PCDHGB6: variants seen among roughly 807,000 people sequenced by gnomAD.
PCDHGB6 encodes the protein protocadherin gamma subfamily B, 6, also known as protocadherin gamma-B6.
Under a neutral mutation model 59.1 loss-of-function variants are expected in PCDHGB6, and 51 were observed. That is an observed-to-expected ratio of 0.86 (90% CI 0.69 to 1.09). The LOEUF is 1.09. PCDHGB6 is among the 50% of genes least tolerant of loss of function. The probability of loss-of-function intolerance (pLI) is 0.00; values close to 1 mark genes in which losing one functional copy is unlikely to be tolerated. For synonymous variants in PCDHGB6, 466 were observed against 495.1 expected (o/e 0.94, Z 0.78); for missense variants, 1,148 against 1,205.1 (o/e 0.95, Z 0.70).
intron 1 of PCDHGB6, chr5:141,423,780 T>C: frequency 8.0e-7 from 1 of 1,243,766 alleles, no homozygotes; most frequent in Non-Finnish European, 1.0e-6. Flanking sequence ...ATATATTTAG[T>C]TCATATATAT....
intron 1 of PCDHGB6, among the ~76,000 whole-genome samples, chr5:141,449,310 A>G (rs1006876700): frequency 4.6e-5 from 7 of 152,112 alleles, no homozygotes; most frequent in Non-Finnish European, 7.4e-5. Context: ...TATGTATTAT[A>G]TAATTGTATC....
chr5:141,409,706 T>A lies in PCDHGB6; in HGVS notation c.1504T>A (p.Ser502Thr). The change falls in exon 1 of 4, where the codon TCG becomes ACG. Residue 502 changes from serine (S) to threonine (T), a missense_variant. Transcript: ENST00000520790. ...VASDLEPLAV[S>T]SYVSVSAQSG... ...GAGTGACCTAGAGCCCCTGGCGGTG[T>A]CGTCATACGTGTCAGTGAGCGCGCA... 1 of 1,613,210 alleles carries A rather than the reference T, an allele frequency of 6.2e-7. No individual in the cohort carries two copies. The highest frequency in any genetic ancestry group is 8.5e-7 in the Non-Finnish European group (1 of 1,179,860).
At position 141,428,093 on chromosome 5, in the gene PCDHGB6, C is replaced by T. The variant is rs577985465; in HGVS notation, c.2418+17473C>T. On this transcript the variant is annotated intron_variant, in intron 1 of 3. Transcript: ENST00000520790. ...ATTCGGGACACAACGCTTGGCTGTC[C>T]TACCACGTGCTGCAGGCCATCGAGC... 2.4e-4 allele frequency: 380 copies of T among 1,608,880 alleles called. 2 individuals are homozygous for T. The South Asian group carries it at 4.0e-3, about 17-fold the overall frequency.
Position 141,505,463 on chromosome 5 carries a change from A to G in PCDHGB6, c.2548A>G (p.Ile850Val). 1 of 1,614,184 alleles carries G rather than the reference A, an allele frequency of 6.2e-7. No homozygotes were observed. Among genetic ancestry groups the G allele is most frequent in the East Asian group, 2.2e-5 (1 of 44,876 alleles). Residue 850 changes from isoleucine to valine, a missense_variant, in exon 3 of 4, where the codon ATC (isoleucine) becomes GTC (valine). Ile to Val is a conservative substitution (Grantham distance 29). Transcript: ENST00000520790. Reference protein sequence around the residue: ...QFDTEMLQAMILASASEAADG... With the variant: ...QFDTEMLQAMVLASASEAADG... ...TGACACAGAGATGCTGCAAGCCATG[A>G]TCTTGGCGTCCGCCAGTGGTAAGTG...
In PCDHGB6 at chr5:141,409,009, G is replaced by A. The variant is rs1189849996; in HGVS notation, c.807G>A (p.Gln269=). 1 of 1,613,994 alleles carries A rather than the reference G, an allele frequency of 6.2e-7. No homozygotes were observed. Residue 269 remains glutamine, a synonymous_variant, in exon 1 of 4, where the codon CAG becomes CAA. Coordinates refer to ENST00000520790, the MANE Select transcript of PCDHGB6 (RefSeq NM_018926.3). ...TGTTGCAAGTGACAGCCACTGACCA[G>A]GATGAGGGGGTCAATGCTGAGATAA... ...SPVLQVTATD[Q]DEGVNAEINY... is the part of the protein sequence containing the mutation.
chr5:141,410,134 C>T lies in PCDHGB6; in HGVS notation c.1932C>T (p.Val644=). Residue 644 remains valine, a synonymous_variant, in exon 1 of 4, where the codon GTC becomes GTT. Coordinates refer to ENST00000520790, the MANE Select transcript of PCDHGB6 (RefSeq NM_018926.3). The part of the protein sequence containing the change: ...DRDAARQRLL[V]AVRDGGQPPL... The stretch of plus-strand genomic sequence containing the variant: ...ACGCAGCCCGCCAGCGCCTGCTGGT[C>T]GCTGTGCGTGACGGTGGACAGCCGC... The T allele has an allele frequency of 6.2e-7, 1 of 1,612,766 alleles. No homozygotes were observed. Among genetic ancestry groups the T allele is most frequent in the East Asian group, 2.2e-5 (1 of 44,868 alleles).
At chr5:141,470,649 C>T (rs1486535307) in intron 1 of PCDHGB6, among the ~76,000 whole-genome samples, 1 of 152,160 alleles carries the variant, frequency 6.6e-6, no homozygotes, top group African/African-American at 2.4e-5. Flanking sequence ...TTGAAGGCCC[C>T]TACCCTTTGG....
rs1225473275 is a variant in PCDHGB6 at position 141,512,442 on chromosome 5, TC to T, written c.*1271del. ...GGCCCCTGCCCTCCTGAAGCCTCAG[TC>T]CTTCACCTTGCCAGGTGCCGTTTCT... is the stretch of plus-strand genomic sequence containing the variant. On this transcript the variant is annotated 3_prime_UTR_variant, in exon 4 of 4. Transcript: ENST00000520790. 1 of 152,892 alleles carries T rather than the reference TC, an allele frequency of 6.5e-6. No individual in the cohort carries two copies. Among genetic ancestry groups the T allele is most frequent in the African/African-American group, 2.4e-5 (1 of 41,466 alleles). 9.5% of individuals were successfully genotyped at this position (152,892 alleles called of 1,614,324 possible).
intron 1 of PCDHGB6, among the ~76,000 whole-genome samples, chr5:141,484,535 A>G (rs2099597486): frequency 6.6e-6 from 1 of 152,178 alleles, no homozygotes. Flanking sequence ...AGTATATGGC[A>G]GTGGTTCTAA....
rs1186240180 is a variant in PCDHGB6, at chr5:141,432,270, A to T, written c.2418+21650A>T. On this transcript the variant is annotated intron_variant, in intron 1 of 3. Transcript: ENST00000520790. The surrounding 1 kb of genome is among the most constrained non-coding windows in gnomAD (Gnocchi z 6.0). ...ATCCAAGGGGCAAGCCTATCGTCCT[A>T]CGTGTCCATCAACTCCGACACTGGG... 1 of 1,614,024 alleles carries T rather than the reference A, an allele frequency of 6.2e-7. No homozygotes were observed. The highest frequency in any genetic ancestry group is 8.5e-7 in the Non-Finnish European group (1 of 1,180,028).
At chr5:141,504,696 G>T (rs2099840373) in intron 2 of PCDHGB6, among the ~76,000 whole-genome samples, 1 of 151,438 alleles carries the variant, frequency 6.6e-6, no homozygotes, top group African/African-American at 2.4e-5. Flanking sequence ...GGAGGGGCAG[G>T]TTCTTCTATG....
intron 1 of PCDHGB6, among the ~76,000 whole-genome samples, chr5:141,473,069 A>G (rs552033483): frequency 3.9e-4 from 59 of 152,180 alleles, no homozygotes; most frequent in South Asian, 8.3e-4. Flanking sequence ...AAGTTACAGC[A>G]TCTTTGTTTA....
At chr5:141,475,992 C>A in intron 1 of PCDHGB6, 1 of 1,158,844 alleles carries the variant, frequency 8.6e-7, no homozygotes, top group Non-Finnish European at 1.2e-6. Context: ...GCGAGCAAAT[C>A]AACGGCATCC....
chr5:141,483,736 G>A (rs1296877404), intron 1 of PCDHGB6, among the ~76,000 whole-genome samples: 1 of 152,110 alleles, frequency 6.6e-6, no homozygotes, highest in Non-Finnish European at 1.5e-5. Flanking sequence ...ATAGTCAAAA[G>A]GATATTCCTG....
rs371139792 is a variant in PCDHGB6 at position 141,490,160 on chromosome 5, C to A, written c.2419-4647C>A. On this transcript the variant is annotated intron_variant, in intron 1 of 3. Transcript: ENST00000520790. This position sits in a 1 kb window ranked among gnomAD's most constrained non-coding sequence, Gnocchi z 5.4. The stretch of plus-strand genomic sequence containing the variant: ...AGTGGGGCAATCCATGTGTTGGGTC[C>A]CATAGACTTTGAGGAGTCACGTTTC... The A allele has an allele frequency of 5.6e-6, 9 of 1,614,192 alleles. No homozygotes were observed. The highest frequency in any genetic ancestry group is 7.6e-6 in the Non-Finnish European group (9 of 1,180,016).
At chr5:141,495,719 C>T (rs929450759) in intron 2 of PCDHGB6, among the ~76,000 whole-genome samples, 12 of 152,150 alleles carry the variant, frequency 7.9e-5, no homozygotes, top group African/African-American at 2.4e-5. Context: ...AGTAACTACA[C>T]GGGACCCTTA....
chr5:141,465,697 T>C (rs1386528821), intron 1 of PCDHGB6, among the ~76,000 whole-genome samples: 2 of 152,200 alleles, frequency 1.3e-5, no homozygotes, highest in African/African-American at 4.8e-5. Context: ...TGCTTTTGCA[T>C]TGGTCAAATG....
chr5:141,413,984 C>T (rs898207454), intron 1 of PCDHGB6: 2 of 1,613,300 alleles, frequency 1.2e-6, no homozygotes, highest in African/African-American at 2.7e-5. Flanking sequence ...ACAGTCACAG[C>T]CACCGACAGG....
chr5:141,418,064 A>T, intron 1 of PCDHGB6: 1 of 1,614,006 alleles, frequency 6.2e-7, no homozygotes, highest in Non-Finnish European at 8.5e-7. Flanking sequence ...GCTGCGAGTG[A>T]GCGCGGAGAA....
Sources: gnomAD v4.1 joint callset for allele counts (sites outside exome capture counted in the v4.1 genomes callset) on GRCh38, gnomAD v4.1.1 for gene constraint, Gnocchi (gnomAD v3.1) non-coding constraint, MANE v1.5 for transcripts, NCBI Gene and HGNC (gene_info 2026-07-23, HGNC 2026-07-21) for gene names.